The following MGMT variants were observed in gnomAD, a reference collection of about 807,000 sequenced individuals.
MGMT encodes the protein methylated-DNA--protein-cysteine methyltransferase.
Under a neutral mutation model 15.9 loss-of-function variants are expected in MGMT, and 14 were observed. That is an observed-to-expected ratio of 0.88 (90% confidence interval 0.58 to 1.37). MGMT has a LOEUF of 1.37. Ranked by LOEUF, MGMT falls within the 40% of genes most tolerant of loss-of-function variation. MGMT has a pLI of 0.00. For synonymous variants in MGMT, 130 were observed against 118.2 expected (o/e 1.10, Z -0.65); for missense variants, 282 against 268.1 (o/e 1.05, Z -0.36).
At chr10:129,499,393 CAGCTAAT>C (rs1447280947) in intron 1 of MGMT, among the ~76,000 whole-genome samples, 2 of 152,178 alleles carry the variant, frequency 1.3e-5, no homozygotes, top group African/African-American at 4.8e-5. Context: ...ATGGATATGC[CAGCTAAT>C]TAGCTTATTT....
rs1564747298 is a variant in MGMT at position 129,646,751 on chromosome 10, TATA to T, written c.126-61143_126-61141del. On this transcript the variant is annotated intron_variant, in intron 2 of 4. Transcript: ENST00000651593. ...ATATATATATATATATATATATATATATATTTTCAGGGAATGGTAGAGAACAGT... is the reference window on the plus strand; with the variant it reads ...ATATATATATATATATATATATATATTTTTCAGGGAATGGTAGAGAACAGT... Among the ~76,000 whole-genome samples the T allele has an allele frequency of 3.6e-4, 38 of 106,966 alleles. 2 individuals are homozygous for T. In the East Asian group the frequency reaches 3.8e-3, roughly 11 times the overall value. The allele number at this position is 106,966 out of a possible 152,430, so 70.2% of individuals were successfully genotyped here. A position where few individuals can be genotyped will look rare whatever the true frequency, so the allele number is the denominator to read the frequency against.
intron 2 of MGMT, among the ~76,000 whole-genome samples, chr10:129,625,570 A>G (rs1426419158): frequency 1.3e-5 from 2 of 152,254 alleles, no homozygotes; most frequent in Non-Finnish European, 2.9e-5. Flanking sequence ...CTCCACATTC[A>G]CAGAGGAAAA....
intron 2 of MGMT, among the ~76,000 whole-genome samples, chr10:129,558,111 G>A (rs1051985886): frequency 6.6e-6 from 1 of 152,166 alleles, no homozygotes; most frequent in Non-Finnish European, 1.5e-5. Flanking sequence ...CCCCCTGTGC[G>A]CCCGGGGTCA....
intron 1 of MGMT, among the ~76,000 whole-genome samples, chr10:129,506,689 G>T (rs982987461): frequency 1.3e-5 from 2 of 152,238 alleles, no homozygotes; most frequent in Non-Finnish European, 2.9e-5. Context: ...CGCTCTATCC[G>T]AAAGAGTCGA....
At chr10:129,753,005 T>A (rs1276555167) in intron 3 of MGMT, among the ~76,000 whole-genome samples, 2 of 152,214 alleles carry the variant, frequency 1.3e-5, no homozygotes, top group East Asian at 3.8e-4. Context: ...AAAGATCAGA[T>A]CTACTGGCAC....
chr10:129,630,144 C>T (rs565191021), intron 2 of MGMT, among the ~76,000 whole-genome samples: 4 of 152,298 alleles, frequency 2.6e-5, no homozygotes, highest in Admixed American at 1.3e-4. Context: ...CTGCGTGCTC[C>T]GGGCACCCAA....
intron 3 of MGMT, among the ~76,000 whole-genome samples, chr10:129,713,372 G>A (rs58271999): frequency 0.14 from 21,318 of 152,116 alleles, 1,579 homozygotes; most frequent in Admixed American, 0.2. Context: ...TCAGCCTTAG[G>A]GCTGCTGTGC....
At chr10:129,635,964 A>G (rs1033811385) in intron 2 of MGMT, among the ~76,000 whole-genome samples, 1 of 152,254 alleles carries the variant, frequency 6.6e-6, no homozygotes, top group African/African-American at 2.4e-5. Flanking sequence ...GGCAAAAAAC[A>G]GGCACTGGAA....
rs372262453 is a variant in MGMT, at chr10:129,767,035, G to A, written c.*38G>A. The A allele has an allele frequency of 1.5e-5, 23 of 1,510,130 alleles. 1 individual carries two copies. In the Middle Eastern group the frequency reaches 5.3e-4, roughly 35 times the overall value. The allele number at this position is 1,510,130 out of a possible 1,614,324, so 93.5% of individuals were successfully genotyped here. ...GGATGGATGTTTGAGCGACACACACGTGTAACACTGCATCGGATGCGGGGC... is the reference window on the plus strand; with the variant it reads ...GGATGGATGTTTGAGCGACACACACATGTAACACTGCATCGGATGCGGGGC... On this transcript the variant is annotated 3_prime_UTR_variant, in exon 5 of 5. Transcript: ENST00000651593.
At chr10:129,593,941 A>G (rs1391671107) in intron 2 of MGMT, among the ~76,000 whole-genome samples, 2 of 152,202 alleles carry the variant, frequency 1.3e-5, no homozygotes, top group African/African-American at 4.8e-5. Context: ...GGCAGAGGAA[A>G]TGAGCCTCGA....
At chr10:129,724,484 CTG>C (rs1188210999) in intron 3 of MGMT, among the ~76,000 whole-genome samples, 1 of 152,122 alleles carries the variant, frequency 6.6e-6, no homozygotes, top group Non-Finnish European at 1.5e-5. Context: ...AGGTATCTAT[CTG>C]TGTTTGTCAG....
chr10:129,742,630 A>G (rs1848648036), intron 3 of MGMT, among the ~76,000 whole-genome samples: 1 of 150,750 alleles, frequency 6.6e-6, no homozygotes. Context: ...GCTCAGAGCC[A>G]GGTCATCAGG....
intron 4 of MGMT, among the ~76,000 whole-genome samples, chr10:129,764,759 C>A (rs1396080487): frequency 6.6e-6 from 1 of 152,220 alleles, no homozygotes; most frequent in Non-Finnish European, 1.5e-5. Flanking sequence ...GGACACGCCC[C>A]AACCTTGGGA....
chr10:129,534,174 G>T (rs546669466), intron 1 of MGMT, among the ~76,000 whole-genome samples: 1 of 152,282 alleles, frequency 6.6e-6, no homozygotes, highest in Middle Eastern at 3.4e-3. Flanking sequence ...GTGGGAGGCC[G>T]TGATTTGCAC....
chr10:129,702,672 T>C (rs527795739), intron 2 of MGMT, among the ~76,000 whole-genome samples: 12 of 152,286 alleles, frequency 7.9e-5, no homozygotes, highest in African/African-American at 2.9e-4. Flanking sequence ...CCTGCTGGCA[T>C]CATGAGCTGG....
chr10:129,759,417 G>A, intron 4 of MGMT, 76 bp downstream of exon 4: 1 of 1,598,582 alleles, frequency 6.3e-7, no homozygotes, highest in Non-Finnish European at 8.5e-7. Flanking sequence ...GATCCCACGT[G>A]TTTCCTCGGA....
intron 2 of MGMT, among the ~76,000 whole-genome samples, chr10:129,564,685 CTCCTCCTCTCCT>C (rs1261189163): frequency 1.5e-5 from 2 of 134,820 alleles, no homozygotes; most frequent in Non-Finnish European, 3.2e-5. Context: ...CTCCTTCCTC[CTCCTCCTCTCCT>C]TCCTCCTCTT....
At chr10:129,568,333 G>A (rs150021219) in intron 2 of MGMT, among the ~76,000 whole-genome samples, 1 of 152,294 alleles carries the variant, frequency 6.6e-6, no homozygotes, top group East Asian at 1.9e-4. Flanking sequence ...GGGTGCCACG[G>A]GGACCTGGGG....
intron 1 of MGMT, among the ~76,000 whole-genome samples, chr10:129,490,816 AT>A (rs1176154848): frequency 6.6e-6 from 1 of 151,948 alleles, no homozygotes; most frequent in African/African-American, 2.4e-5. Context: ...TTTTAAAACC[AT>A]TTTTCTCCCC....
Sources: gnomAD v4.1 joint callset for allele counts (sites outside exome capture counted in the v4.1 genomes callset) on GRCh38, gnomAD v4.1.1 for gene constraint, MANE v1.5 for transcripts, NCBI Gene and HGNC (gene_info 2026-07-23, HGNC 2026-07-21) for gene names.